The following SAMD12 variants were observed in gnomAD, a reference collection of about 807,000 sequenced individuals.
The protein encoded by SAMD12 is sterile alpha motif domain-containing protein 12.
A neutral mutation model predicts 15.0 loss-of-function variants in SAMD12; 9 were observed. The observed-to-expected ratio is 0.60, with a 90% CI of 0.36 to 1.05. The LOEUF is 1.05. Ranked by LOEUF, SAMD12 falls within the 50% of genes least tolerant of loss-of-function variation. The pLI, the probability that SAMD12 is intolerant of heterozygous loss-of-function variation, is 0.01. For synonymous variants in SAMD12, 86 were observed against 90.1 expected (o/e 0.96, Z 0.25); for missense variants, 230 against 234.2 (o/e 0.98, Z 0.12).
At chr8:118,424,442 T>A (rs1278856169) in intron 3 of SAMD12, among the ~76,000 whole-genome samples, 1 of 152,146 alleles carries the variant, frequency 6.6e-6, no homozygotes, top group Non-Finnish European at 1.5e-5. Flanking sequence ...TTGGCGAAGG[T>A]CACACACCGT....
At chr8:118,531,886 G>GTAT (rs1825696512) in intron 2 of SAMD12, among the ~76,000 whole-genome samples, 1 of 152,114 alleles carries the variant, frequency 6.6e-6, no homozygotes, top group African/African-American at 2.4e-5. Flanking sequence ...GGGACAATTC[G>GTAT]ACTTCCTCTT....
chr8:118,596,998 C>A (rs193256533), intron 1 of SAMD12, among the ~76,000 whole-genome samples: 7 of 152,136 alleles, frequency 4.6e-5, no homozygotes, highest in African/African-American at 1.7e-4. Context: ...CAGGAATCCA[C>A]GGGGCAAAGA....
At chr8:118,496,240 C>T (rs1391920407) in intron 2 of SAMD12, among the ~76,000 whole-genome samples, 2 of 151,980 alleles carry the variant, frequency 1.3e-5, no homozygotes, top group African/African-American at 4.8e-5. Context: ...AAAATAATAA[C>T]CCATAATGGC....
At chr8:118,461,612 AT>A (rs1368691741) in intron 2 of SAMD12, among the ~76,000 whole-genome samples, 1 of 152,180 alleles carries the variant, frequency 6.6e-6, no homozygotes, top group African/African-American at 2.4e-5. Flanking sequence ...AGTCCAGGCC[AT>A]CTATAAATAC....
chr8:118,302,083 T>TC (rs932795278), intron 4 of SAMD12, among the ~76,000 whole-genome samples: 4 of 117,818 alleles, frequency 3.4e-5, no homozygotes, highest in Non-Finnish European at 7.8e-5. Context: ...TGAGAGTTTT[T>TC]TTTTTTTTTT....
At chr8:118,353,570 C>T (rs1333563152) in intron 4 of SAMD12, among the ~76,000 whole-genome samples, 1 of 152,098 alleles carries the variant, frequency 6.6e-6, no homozygotes, top group African/African-American at 2.4e-5. Context: ...GACTTTCCGG[C>T]CTCTGGAACC....
chr8:118,212,643 C>T (rs747480132), intron 4 of SAMD12, among the ~76,000 whole-genome samples: 21 of 152,206 alleles, frequency 1.4e-4, no homozygotes, highest in Non-Finnish European at 2.1e-4. Flanking sequence ...ATTTGCCTCA[C>T]TAATGGCACT....
intron 2 of SAMD12, among the ~76,000 whole-genome samples, chr8:118,482,279 C>A (rs905703194): frequency 6.6e-6 from 1 of 152,152 alleles, no homozygotes; most frequent in African/African-American, 2.4e-5. Context: ...TCAATCTTTG[C>A]CCTAGAGTTA....
chr8:118,425,750 T>C (rs1822212772), intron 3 of SAMD12, among the ~76,000 whole-genome samples: 1 of 152,162 alleles, frequency 6.6e-6, no homozygotes. Context: ...TGGTCAAAGG[T>C]GAGGCAGTAG....
chr8:118,551,947 G>A (rs377071131), intron 2 of SAMD12, among the ~76,000 whole-genome samples: 88 of 151,252 alleles, frequency 5.8e-4, no homozygotes, highest in African/African-American at 1.9e-3. Flanking sequence ...TAAATTCCTC[G>A]ACACATACAC....
chr8:118,430,751 G>A (rs1267923155), intron 3 of SAMD12, among the ~76,000 whole-genome samples: 1 of 152,134 alleles, frequency 6.6e-6, no homozygotes, highest in African/African-American at 2.4e-5. Context: ...CTGTGTTAGT[G>A]TAATACATCT....
intron 3 of SAMD12, among the ~76,000 whole-genome samples, chr8:118,391,940 TAA>T (rs869057300): frequency 3.5e-5 from 5 of 141,122 alleles, no homozygotes; most frequent in East Asian, 2.0e-4. Context: ...AAGTTCTGGT[TAA>T]AAAAAAAAAA....
the SAMD12 span, among the ~76,000 whole-genome samples, chr8:118,133,815 A>C: frequency 6.6e-6 from 1 of 152,058 alleles, no homozygotes; most frequent in Non-Finnish European, 1.5e-5. Context: ...TCTAATGTGA[A>C]TTTATGGAAT....
At chr8:118,133,742 GGGT>G in the SAMD12 span, among the ~76,000 whole-genome samples, 1 of 151,506 alleles carries the variant, frequency 6.6e-6, no homozygotes, top group African/African-American at 2.4e-5. Flanking sequence ...CCTTAAAAGT[GGGT>G]GGTGGTTGTT....
At chr8:118,518,044 T>C (rs968197313) in intron 2 of SAMD12, among the ~76,000 whole-genome samples, 2 of 152,214 alleles carry the variant, frequency 1.3e-5, no homozygotes, top group Non-Finnish European at 2.9e-5. Flanking sequence ...AAGGGGTAAT[T>C]ATCTTTCAAT....
the SAMD12 span, among the ~76,000 whole-genome samples, chr8:118,171,411 A>G: frequency 1.3e-5 from 2 of 152,358 alleles, no homozygotes; most frequent in South Asian, 4.1e-4. Flanking sequence ...TGTTACCTAT[A>G]ACATAGAAGT....
chr8:118,135,250 C>T, the SAMD12 span, among the ~76,000 whole-genome samples: 2 of 149,850 alleles, frequency 1.3e-5, no homozygotes, highest in African/African-American at 2.5e-5. Context: ...GGCACTATCT[C>T]GGCTCACTGA....
chr8:118,536,726 A>G (rs1293585498), intron 2 of SAMD12, among the ~76,000 whole-genome samples: 3 of 152,204 alleles, frequency 2.0e-5, no homozygotes, highest in Non-Finnish European at 4.4e-5. Flanking sequence ...ATCGTATTGT[A>G]CTATGTATTG....
At chr8:118,209,156 T>C (rs1329429670) in intron 4 of SAMD12, among the ~76,000 whole-genome samples, 1 of 152,192 alleles carries the variant, frequency 6.6e-6, no homozygotes, top group Non-Finnish European at 1.5e-5. Flanking sequence ...GTTATTATAT[T>C]GTGGGTTCTT....
Sources: allele counts gnomAD v4.1 joint callset (sites outside exome capture counted in the v4.1 genomes callset), GRCh38; gene constraint gnomAD v4.1.1; transcripts MANE v1.5; gene names NCBI Gene and HGNC (gene_info 2026-07-23, HGNC 2026-07-21).